The following ZP2 variants were observed in gnomAD, a reference collection of about 807,000 sequenced individuals.
The protein encoded by ZP2 is zona pellucida sperm-binding protein 2.
In ZP2, 51 loss-of-function variants were observed where a neutral mutation model predicts 84.0. That is an observed-to-expected ratio of 0.61 (90% confidence interval 0.49 to 0.77). The LOEUF (loss-of-function observed/expected upper bound fraction) is 0.77. Ranked by LOEUF, ZP2 falls within the 30% of genes least tolerant of loss-of-function variation. ZP2 has a pLI of 0.00. For synonymous variants in ZP2, 375 were observed against 330.9 expected (o/e 1.13, Z -1.45); for missense variants, 909 against 911.9 (o/e 1.00, Z 0.04).
intron 7 of ZP2, 28 bp from the exon 8 acceptor site, chr16:21,204,432 A>G: frequency 6.3e-7 from 1 of 1,585,262 alleles, no homozygotes; most frequent in South Asian, 1.1e-5. Context: ...AGTGATCTTC[A>G]AAAACATTGG....
chr16:21,212,147 C>T (rs1386612512), upstream of ZP2, among the ~76,000 whole-genome samples: 2 of 152,052 alleles, frequency 1.3e-5, no homozygotes, highest in African/African-American at 4.8e-5. Flanking sequence ...AGGGTGGTCT[C>T]GAACTCCTGA....
In ZP2 at chr16:21,207,621, C is replaced by CTA. The variant is rs948044068; in HGVS notation, c.331-633_331-632dup. 8.7e-5 allele frequency among the ~76,000 whole-genome samples: 13 copies of CTA among 149,072 alleles called. No individual in the cohort carries two copies. In the South Asian group the frequency reaches 1.3e-3, roughly 15 times the overall value. ...TGCAACATGGTGAGAGACTCCATCT[C>CTA]TATATATATATTAAACACACACACA... On this transcript the variant is annotated intron_variant, in intron 4 of 18. Transcript: ENST00000574091.
At chr16:21,204,442 G>T (rs367833805) in intron 7 of ZP2, 38 bp from the exon 8 acceptor site, 148 of 1,555,204 alleles carry the variant, frequency 9.5e-5, no homozygotes, top group Non-Finnish European at 9.0e-5. Flanking sequence ...AAAAACATTG[G>T]TTACTTGAAT....
At chr16:21,210,545 C>G (rs779800063) in intron 2 of ZP2, among the ~76,000 whole-genome samples, 31 of 152,058 alleles carry the variant, frequency 2.0e-4, no homozygotes, top group Non-Finnish European at 3.5e-4. Context: ...TGATGTTAAA[C>G]AAAGTCCTGG....
chr16:21,197,697 C>A, intron 18 of ZP2, 69 bp downstream of exon 18: 1 of 1,611,444 alleles, frequency 6.2e-7, no homozygotes, highest in South Asian at 1.1e-5. Context: ...TAAGGCTCCC[C>A]AGAGAAGGGG....
intron 2 of ZP2, among the ~76,000 whole-genome samples, chr16:21,210,806 C>A (rs2093271161): frequency 6.6e-6 from 1 of 151,980 alleles, no homozygotes; most frequent in Non-Finnish European, 1.5e-5. Context: ...AACTCCTGAG[C>A]TCAGGTGATC....
Position 21,201,696 on chromosome 16 carries a change from A to G in ZP2, c.1504+10T>C, listed in dbSNP as rs199602035. ...TCATTTAAGCAATTTCACAGACTGC[A>G]ATCTCTTACCTGGGTAGCTTTGCAG... On this transcript the variant is annotated intron_variant, in intron 13 of 18. Coordinates refer to ENST00000574091, the MANE Select transcript of ZP2 (RefSeq NM_001376232.1). 6.2e-7 allele frequency: 1 copy of G among 1,614,080 alleles called. No homozygotes were observed. Among genetic ancestry groups the G allele is most frequent in the East Asian group, 2.2e-5 (1 of 44,886 alleles).
At chr16:21,206,673 A>C (rs1467839368) in intron 5 of ZP2, among the ~76,000 whole-genome samples, 165 bp downstream of exon 5, 1 of 152,170 alleles carries the variant, frequency 6.6e-6, no homozygotes, top group Non-Finnish European at 1.5e-5. Flanking sequence ...ATCACTTTGG[A>C]CTTGGAAACA....
At chr16:21,198,490 G>C (rs932735695) in intron 17 of ZP2, among the ~76,000 whole-genome samples, 3 of 152,158 alleles carry the variant, frequency 2.0e-5, no homozygotes, top group Non-Finnish European at 4.4e-5. Context: ...CTAAGGTAGA[G>C]CCACGTGGAA....
upstream of ZP2, among the ~76,000 whole-genome samples, chr16:21,212,485 G>A (rs908177447): frequency 1.3e-5 from 2 of 152,146 alleles, no homozygotes; most frequent in Admixed American, 6.5e-5. Context: ...TAAAACACTG[G>A]GAGGAAAGTT....
At chr16:21,197,918 G>C in intron 17 of ZP2, 69 bp from the exon 18 acceptor site, 1 of 1,483,386 alleles carries the variant, frequency 6.7e-7, no homozygotes, top group Non-Finnish European at 9.4e-7. Flanking sequence ...TCCCCTGAGG[G>C]TGTGATCCCA....
At chr16:21,210,471 C>G (rs1254057008) in intron 2 of ZP2, among the ~76,000 whole-genome samples, 1 of 152,142 alleles carries the variant, frequency 6.6e-6, no homozygotes, top group Non-Finnish European at 1.5e-5. Flanking sequence ...AACACCTTGA[C>G]AGTGGAGCAG....
intron 3 of ZP2, 143 bp from the exon 4 acceptor site, chr16:21,209,868 TTTGAGATGGTATGAC>T: frequency 1.3e-6 from 1 of 774,138 alleles, no homozygotes; most frequent in Non-Finnish European, 2.2e-6. Flanking sequence ...GAACTTGAGC[TTTGAGATGGTATGAC>T]TTGCAGCCAG....
At chr16:21,211,658 G>C, upstream of ZP2, 1 of 1,593,042 alleles carries the variant, frequency 6.3e-7, no homozygotes, top group African/African-American at 1.3e-5. Context: ...CCTGAATCTT[G>C]TCCCATTCTC....
Position 21,198,771 on chromosome 16 carries a change from G to C in ZP2, c.2011+8C>G. On this transcript the variant is annotated splice_region_variant and intron_variant, in intron 17 of 18. Transcript: ENST00000574091. ...ATCCAGGAAGTACTCCAGGCTTTAG[G>C]TCCATACCTCTGAATGAGGAGTCAT... The C allele has an allele frequency of 6.2e-7, 1 of 1,613,428 alleles. No individual in the cohort carries two copies. The highest frequency in any genetic ancestry group is 8.5e-7 in the Non-Finnish European group (1 of 1,179,532).
chr16:21,199,852 T>C lies in ZP2; in HGVS notation c.1721A>G (p.Gln574Arg). 7 of 1,612,842 alleles carry C rather than the reference T, an allele frequency of 4.3e-6. No homozygotes were observed. The highest frequency in any genetic ancestry group is 5.9e-6 in the Non-Finnish European group (7 of 1,180,004). Reference protein sequence around the residue: ...DGCAYDLDNYQTTFHPVGSSV... With the variant: ...DGCAYDLDNYRTTFHPVGSSV... ...GGAGCCGACTGGATGGAAGGTGGTCTGGTAGTTGTCCAGGTCATATGCACA... is the reference window on the plus strand; with the variant it reads ...GGAGCCGACTGGATGGAAGGTGGTCCGGTAGTTGTCCAGGTCATATGCACA... Residue 574 changes from glutamine (Q) to arginine (R), a missense_variant, in exon 15 of 19, where the codon CAG becomes CGG. Physicochemically the swap from Gln to Arg is conservative, Grantham distance 43 (BLOSUM62 1). Transcript: ENST00000574091.
chr16:21,209,303 G>T (rs2093263811), intron 4 of ZP2, among the ~76,000 whole-genome samples: 1 of 152,144 alleles, frequency 6.6e-6, no homozygotes, highest in Non-Finnish European at 1.5e-5. Flanking sequence ...AAGTAGCTGG[G>T]ATTACAGGTG....
At position 21,202,240 on chromosome 16, in the gene ZP2, C is replaced by A. The variant is rs144403520; in HGVS notation, c.1151G>T (p.Ser384Ile). ...QDGFMDVEVY[S>I]YQTQPALDLG... Reference sequence around the variant, plus strand: ...GTCAAGAGCTGGTTGTGTTTGGTAGCTGTAGACCTCGACGTCCATAAACCC... The same window carrying A: ...GTCAAGAGCTGGTTGTGTTTGGTAGATGTAGACCTCGACGTCCATAAACCC... Residue 384 changes from serine to isoleucine, a missense_variant, in exon 11 of 19, where the codon AGC (serine) becomes ATC (isoleucine). Coordinates refer to ENST00000574091, the MANE Select transcript of ZP2 (RefSeq NM_001376232.1). The A allele has an allele frequency of 3.1e-5, 48 of 1,563,256 alleles. No individual in the cohort carries two copies. In the African/African-American group the frequency reaches 6.0e-4, roughly 19 times the overall value.
Position 21,201,420 on chromosome 16 carries a change from G to A in ZP2, c.1643C>T (p.Thr548Met). The A allele has an allele frequency of 6.2e-7, 1 of 1,608,138 alleles. No homozygotes were observed. The highest frequency in any genetic ancestry group is 8.5e-7 in the Non-Finnish European group (1 of 1,176,888). Residue 548 changes from threonine to methionine, a missense_variant, in exon 14 of 19, where the codon ACG (threonine) becomes ATG (methionine). Physicochemically the swap from Thr to Met is moderately conservative, Grantham distance 81. Coordinates refer to ENST00000574091, the MANE Select transcript of ZP2 (RefSeq NM_001376232.1). ...GAAAGAGTCTGGATCCATGGTGGAC[G>A]TCGCCCAGCAGTCATCTAAGACCAG... ...IKLVLDDCWATSTMDPDSFPQ... is the reference protein window; with the variant it reads ...IKLVLDDCWAMSTMDPDSFPQ...
Sources: gnomAD v4.1 joint callset for allele counts (sites outside exome capture counted in the v4.1 genomes callset) on GRCh38, gnomAD v4.1.1 for gene constraint, MANE v1.5 for transcripts, NCBI Gene and HGNC (gene_info 2026-07-23, HGNC 2026-07-21) for gene names.